The following GLCCI1 variants were observed in gnomAD, a reference collection of about 807,000 sequenced individuals.
The protein encoded by GLCCI1 is glucocorticoid-induced transcript 1 protein.
Under a neutral mutation model 52.2 loss-of-function variants are expected in GLCCI1, and 24 were observed. The observed-to-expected ratio is 0.46, with a 90% CI of 0.33 to 0.65. GLCCI1 has a LOEUF of 0.65. GLCCI1 is among the 30% of genes least tolerant of loss of function. The probability of loss-of-function intolerance (pLI) is 0.02; values close to 1 mark genes in which losing one functional copy is unlikely to be tolerated. For missense variants in GLCCI1, 704 were observed against 701.5 expected (o/e 1.00, Z -0.04); for synonymous variants, 310 against 276.5 (o/e 1.12, Z -1.20).
intron 1 of GLCCI1, among the ~76,000 whole-genome samples, chr7:7,995,514 A>G (rs888141124): frequency 6.6e-5 from 10 of 152,196 alleles, no homozygotes; most frequent in African/African-American, 1.9e-4. Context: ...ATGTCCATCA[A>G]TGATAGACTG....
chr7:8,039,145 A>G (rs1781940795), intron 3 of GLCCI1, among the ~76,000 whole-genome samples: 1 of 152,192 alleles, frequency 6.6e-6, no homozygotes, highest in African/African-American at 2.4e-5. Flanking sequence ...CTTATACACC[A>G]TTAGTGAGAA....
At chr7:8,001,913 A>G (rs1781057066) in intron 1 of GLCCI1, among the ~76,000 whole-genome samples, 1 of 152,162 alleles carries the variant, frequency 6.6e-6, no homozygotes, top group African/African-American at 2.4e-5. Flanking sequence ...ACTTGGACAC[A>G]GGAAGGGGAA....
chr7:8,033,017 A>T (rs1742879831), intron 3 of GLCCI1, among the ~76,000 whole-genome samples: 1 of 151,964 alleles, frequency 6.6e-6, no homozygotes, highest in Admixed American at 6.6e-5. Context: ...AATATGAGCA[A>T]ACCAAATCCA....
chr7:8,008,898 G>GT (rs537304556), intron 2 of GLCCI1, among the ~76,000 whole-genome samples: 25 of 148,638 alleles, frequency 1.7e-4, no homozygotes, highest in Admixed American at 4.0e-4. Context: ...TCACTGAACA[G>GT]TTTTTTTTTT....
intron 3 of GLCCI1, 148 bp downstream of exon 3, chr7:8,022,717 A>G (rs1781521274): frequency 3.0e-6 from 1 of 337,592 alleles, no homozygotes; most frequent in South Asian, 1.0e-4. Context: ...AGGTTAGAAT[A>G]AATTCTAGGC....
chr7:8,023,890 C>G (rs1781555841), intron 3 of GLCCI1, among the ~76,000 whole-genome samples: 1 of 152,070 alleles, frequency 6.6e-6, no homozygotes, highest in South Asian at 2.1e-4. Context: ...TGAACCACCA[C>G]ACCAGGCCAT....
rs1038454513 is a variant in GLCCI1 at position 8,088,238 on chromosome 7, GTT to G, written c.*1702_*1703del. 5 of 88,738 alleles carry G rather than the reference GTT, an allele frequency of 5.6e-5. No homozygotes were observed. The highest frequency in any genetic ancestry group is 2.6e-4 in the African/African-American group (5 of 19,492). The allele number at this position is 88,738 out of a possible 1,614,324, so 5.5% of individuals were successfully genotyped here. On this transcript the variant is annotated 3_prime_UTR_variant, in exon 8 of 8. Coordinates refer to ENST00000223145, the MANE Select transcript of GLCCI1 (RefSeq NM_138426.4). ...TAAGAAATGATATATATATGTATAT[GTT>G]TGTGTGTGTGTGTGTGTGTGTGTGT...
chr7:7,987,599 T>G (rs1413613314), intron 1 of GLCCI1, among the ~76,000 whole-genome samples: 1 of 152,104 alleles, frequency 6.6e-6, no homozygotes, highest in Non-Finnish European at 1.5e-5. Flanking sequence ...CATTTATTGA[T>G]TGATGATTGA....
At chr7:8,004,307 G>T in intron 2 of GLCCI1, 1 of 289,802 alleles carries the variant, frequency 3.5e-6, no homozygotes, top group East Asian at 5.8e-5. Context: ...TAGACACGTT[G>T]TAATTTTAAG....
Position 8,047,483 on chromosome 7 carries a change from A to G in GLCCI1, c.697-7950A>G, listed in dbSNP as rs140255113. Among the ~76,000 whole-genome samples, 329 of 152,346 alleles carry G rather than the reference A, an allele frequency of 2.2e-3. 2 individuals are homozygous for G. The highest frequency in any genetic ancestry group is 7.5e-3 in the African/African-American group (312 of 41,588). On this transcript the variant is annotated intron_variant, in intron 3 of 7. Transcript: ENST00000223145. ...CCACTTTTTACAACCGTTAATTTGC[A>G]CCCATTTAGTTGAGGTAAAAACAAA...
intron 3 of GLCCI1, among the ~76,000 whole-genome samples, chr7:8,029,027 G>A (rs1000368461): frequency 6.6e-6 from 1 of 152,130 alleles, no homozygotes; most frequent in African/African-American, 2.4e-5. Context: ...AACATTTAAA[G>A]AACACCTAGT....
chr7:8,013,557 T>G (rs1275240727), intron 2 of GLCCI1, among the ~76,000 whole-genome samples: 1 of 152,220 alleles, frequency 6.6e-6, no homozygotes, highest in Admixed American at 6.5e-5. Context: ...TTTGTACAAT[T>G]CCTCAAAATG....
chr7:8,088,629 T>C lies in GLCCI1; in HGVS notation c.*2091T>C, dbSNP rs1457643819. ...TACATAATATGTTGATCTTACACTC[T>C]GCTTTTGTCCAAATAAAATGCAATA... On this transcript the variant is annotated 3_prime_UTR_variant, in exon 8 of 8. Transcript: ENST00000223145. 6.6e-6 allele frequency: 1 copy of C among 152,642 alleles called. No individual in the cohort carries two copies. Among genetic ancestry groups the C allele is most frequent in the Non-Finnish European group, 1.5e-5 (1 of 68,034 alleles). 9.5% of individuals were successfully genotyped at this position (152,642 alleles called of 1,614,324 possible). A position where few individuals can be genotyped will look rare whatever the true frequency, so the allele number is the denominator to read the frequency against.
intron 1 of GLCCI1, among the ~76,000 whole-genome samples, chr7:7,993,924 T>C (rs1473992120): frequency 6.6e-6 from 1 of 152,244 alleles, no homozygotes; most frequent in Non-Finnish European, 1.5e-5. Flanking sequence ...GTTTATATCC[T>C]GATAAACACA....
intron 1 of GLCCI1, among the ~76,000 whole-genome samples, chr7:8,000,877 T>C (rs1472210325): frequency 1.3e-5 from 2 of 152,232 alleles, no homozygotes; most frequent in Non-Finnish European, 2.9e-5. Flanking sequence ...TTTTTTTTGC[T>C]TTCCATTTGC....
intron 2 of GLCCI1, among the ~76,000 whole-genome samples, chr7:8,011,963 A>C (rs192230941): frequency 0.027 from 4,054 of 151,674 alleles, 180 homozygotes; most frequent in African/African-American, 0.09. Context: ...CTGCAGGCAC[A>C]CGCCACCACG....
At chr7:7,981,307 T>C (rs1037491006) in intron 1 of GLCCI1, 2 of 244,512 alleles carry the variant, frequency 8.2e-6, no homozygotes, top group African/African-American at 4.8e-5. Context: ...TCTCTCTTTC[T>C]TTCTGTCTCT....
intron 3 of GLCCI1, among the ~76,000 whole-genome samples, chr7:8,037,616 A>G (rs143971328): frequency 2.6e-5 from 4 of 152,322 alleles, no homozygotes; most frequent in African/African-American, 4.8e-5. Context: ...ATTGATTAAA[A>G]AGCAGGATCT....
chr7:8,011,042 C>G (rs371731713), intron 2 of GLCCI1, among the ~76,000 whole-genome samples: 3 of 151,906 alleles, frequency 2.0e-5, no homozygotes, highest in Admixed American at 6.6e-5. Flanking sequence ...TCGCTTGAAC[C>G]CGGGAGGTGG....
Sources: allele counts gnomAD v4.1 joint callset (sites outside exome capture counted in the v4.1 genomes callset), GRCh38; gene constraint gnomAD v4.1.1; transcripts MANE v1.5; gene names NCBI Gene and HGNC (gene_info 2026-07-23, HGNC 2026-07-21).